The following PTPRD variants were observed in gnomAD, a reference collection of about 807,000 sequenced individuals.
PTPRD encodes the protein protein tyrosine phosphatase receptor type D.
PTPRD carries 34 observed loss-of-function variants against 214.5 expected under a neutral mutation model. That is an observed-to-expected ratio of 0.16 (90% CI 0.12 to 0.21). PTPRD has a LOEUF of 0.21. PTPRD is among the 10% of genes least tolerant of loss of function. The pLI is 1.00. For missense variants in PTPRD, 2,545 were observed against 2,398.7 expected (o/e 1.06, Z -1.27); for synonymous variants, 1,128 against 845.7 (o/e 1.33, Z -5.79).
At chr9:8,519,946 T>A (rs2097856783) in intron 20 of PTPRD, among the ~76,000 whole-genome samples, 1 of 152,192 alleles carries the variant, frequency 6.6e-6, no homozygotes, top group South Asian at 2.1e-4. Flanking sequence ...AAAAAGGTGA[T>A]TCAATATTTA....
intron 11 of PTPRD, among the ~76,000 whole-genome samples, chr9:8,974,480 G>T (rs1196910899): frequency 6.6e-6 from 1 of 151,890 alleles, no homozygotes; most frequent in African/African-American, 2.4e-5. Flanking sequence ...CATGCGCCAT[G>T]GTGGTTTGCT....
intron 9 of PTPRD, among the ~76,000 whole-genome samples, chr9:9,328,465 A>AATTTCTGC (rs1006830117): frequency 1.9e-4 from 29 of 151,972 alleles, no homozygotes; most frequent in Non-Finnish European, 3.4e-4. Flanking sequence ...CTTTAAACTC[A>AATTTCTGC]ATTTCTGCTT....
chr9:9,595,095 G>A (rs1309159665), intron 7 of PTPRD, among the ~76,000 whole-genome samples: 1 of 151,598 alleles, frequency 6.6e-6, no homozygotes, highest in East Asian at 2.0e-4. Context: ...AATAGATGTT[G>A]GCGTAGATGC....
At chr9:9,302,428 C>T (rs954782855) in intron 9 of PTPRD, among the ~76,000 whole-genome samples, 19 of 151,672 alleles carry the variant, frequency 1.3e-4, no homozygotes, top group African/African-American at 3.6e-4. Flanking sequence ...TGCAAAACCA[C>T]GTGTGAAAGT....
chr9:9,305,204 C>T (rs1000578968), intron 9 of PTPRD, among the ~76,000 whole-genome samples: 4 of 151,654 alleles, frequency 2.6e-5, no homozygotes, highest in East Asian at 1.9e-4. Flanking sequence ...AAATTGTCTT[C>T]GTAACTCTTA....
chr9:9,792,584 T>C (rs1200832718), intron 5 of PTPRD, among the ~76,000 whole-genome samples: 1 of 152,170 alleles, frequency 6.6e-6, no homozygotes, highest in Non-Finnish European at 1.5e-5. Flanking sequence ...CACTGAAAAC[T>C]GATTTTAAAA....
intron 11 of PTPRD, among the ~76,000 whole-genome samples, chr9:9,013,266 C>T (rs1425532072): frequency 1.3e-5 from 2 of 152,028 alleles, no homozygotes; most frequent in Non-Finnish European, 2.9e-5. Context: ...GCCACCGACA[C>T]TAGAATTAAT....
chr9:8,879,816 C>G (rs1462107898), intron 11 of PTPRD, among the ~76,000 whole-genome samples: 1 of 152,106 alleles, frequency 6.6e-6, no homozygotes, highest in Non-Finnish European at 1.5e-5. Context: ...AATCTGGAAG[C>G]CAAGTGTCCA....
intron 9 of PTPRD, among the ~76,000 whole-genome samples, chr9:9,302,263 A>T (rs1239757275): frequency 6.6e-6 from 1 of 151,882 alleles, no homozygotes; most frequent in African/African-American, 2.4e-5. Context: ...GACAGGAATT[A>T]TCTTCTATGT....
intron 7 of PTPRD, among the ~76,000 whole-genome samples, chr9:9,622,274 T>C (rs1442484634): frequency 1.3e-5 from 2 of 152,166 alleles, no homozygotes; most frequent in Admixed American, 6.5e-5. Context: ...GGTTATTTTC[T>C]GCTTTTCCTA....
At chr9:8,718,162 C>G (rs183421869) in intron 12 of PTPRD, among the ~76,000 whole-genome samples, 4 of 152,182 alleles carry the variant, frequency 2.6e-5, no homozygotes, top group African/African-American at 7.2e-5. Flanking sequence ...TTTGGGCTAG[C>G]AAAATGTTGG....
chr9:8,597,410 T>A (rs77223726), intron 14 of PTPRD, among the ~76,000 whole-genome samples: 6,624 of 152,198 alleles, frequency 0.044, 485 homozygotes, highest in African/African-American at 0.15. Context: ...TGGCTTTTTT[T>A]AAAATTATTC....
chr9:8,729,217 C>T (rs529993660), intron 12 of PTPRD, among the ~76,000 whole-genome samples: 14 of 152,228 alleles, frequency 9.2e-5, no homozygotes, highest in African/African-American at 3.4e-4. Flanking sequence ...TCTACCCAAG[C>T]CAAATTAATT....
intron 11 of PTPRD, among the ~76,000 whole-genome samples, chr9:8,876,919 C>CT (rs1182933354): frequency 1.5e-4 from 23 of 151,488 alleles, no homozygotes; most frequent in African/African-American, 4.4e-4. Flanking sequence ...CCCTGTTTTT[C>CT]TTTTTTCTTT....
chr9:10,502,587 T>G (rs1251720893), intron 2 of PTPRD, among the ~76,000 whole-genome samples: 1 of 151,978 alleles, frequency 6.6e-6, no homozygotes, highest in Non-Finnish European at 1.5e-5. Context: ...AGTGGAAAAA[T>G]ACAGAATAAA....
At chr9:8,499,933 CA>C in intron 24 of PTPRD, 93 bp from the exon 25 acceptor site, 1 of 1,096,424 alleles carries the variant, frequency 9.1e-7, no homozygotes, top group Non-Finnish European at 1.3e-6. Context: ...GTTTCTCTTT[CA>C]AAAAATGGGT....
chr9:8,611,736 AAGAAAAGAAAAGAAAAG>A (rs1183075905), intron 14 of PTPRD, among the ~76,000 whole-genome samples: 2 of 144,816 alleles, frequency 1.4e-5, no homozygotes, highest in Non-Finnish European at 3.0e-5. Context: ...CAAAAGAAAA[AAGAAAAGAAAAGAAAAG>A]AGAAAAGAAA....
At position 10,129,225 on chromosome 9, in the gene PTPRD, C is replaced by T. The variant is rs545218335; in HGVS notation, c.-544-95435G>A. 3.3e-5 allele frequency among the ~76,000 whole-genome samples: 5 copies of T among 152,088 alleles called. No homozygotes were observed. In the East Asian group the frequency reaches 9.7e-4, roughly 29 times the overall value. On this transcript the variant is annotated intron_variant, in intron 3 of 45. Coordinates refer to ENST00000381196, the MANE Select transcript of PTPRD (RefSeq NM_002839.4). ...TATAGATAATTTTTGTTTTACTAGC[C>T]CGAAAGTACCTAATTATCATTGACA...
chr9:10,144,402 A>G (rs1042855325), intron 3 of PTPRD, among the ~76,000 whole-genome samples: 3 of 152,262 alleles, frequency 2.0e-5, no homozygotes, highest in African/African-American at 4.8e-5. Flanking sequence ...GAGCTGATCA[A>G]ATTTGAGCTG....
Sources: allele counts gnomAD v4.1 joint callset (sites outside exome capture counted in the v4.1 genomes callset), GRCh38; gene constraint gnomAD v4.1.1; transcripts MANE v1.5; gene names NCBI Gene and HGNC (gene_info 2026-07-23, HGNC 2026-07-21).